Variants in NRXN3 observed in about 807,000 individuals in gnomAD.
NRXN3 encodes the protein neurexin 3, also known as neurexin III.
NRXN3 carries 32 observed loss-of-function variants against 137.6 expected under a neutral mutation model. That is an observed-to-expected ratio of 0.23 (90% confidence interval 0.18 to 0.31). NRXN3 has a LOEUF of 0.31. Ranked by LOEUF, NRXN3 falls within the 10% of genes least tolerant of loss-of-function variation. NRXN3 has a pLI of 1.00. For missense variants in NRXN3, 1,574 were observed against 2,062.5 expected (o/e 0.76, Z 4.59); for synonymous variants, 798 against 784.5 (o/e 1.02, Z -0.29).
intron 10 of NRXN3, among the ~76,000 whole-genome samples, chr14:78,933,601 C>T (rs154330): frequency 0.24 from 36,019 of 151,918 alleles, 6,342 homozygotes; most frequent in African/African-American, 0.48. Context: ...CATGATGCTT[C>T]GAAGTGTCAA....
chr14:79,470,101 C>T (rs1474704021), intron 16 of NRXN3, among the ~76,000 whole-genome samples: 2 of 152,018 alleles, frequency 1.3e-5, no homozygotes, highest in South Asian at 2.1e-4. Flanking sequence ...AGAGAAAGAG[C>T]TTTGGGGCCA....
rs141270878 is a variant in NRXN3, at chr14:79,208,415, G to A, written c.3262+220274G>A. 1.8e-3 allele frequency among the ~76,000 whole-genome samples: 274 copies of A among 152,152 alleles called. 2 individuals are homozygous for A. Among genetic ancestry groups the A allele is most frequent in the African/African-American group, 5.2e-3 (217 of 41,530 alleles). ...TGTACCCCAATTTTTTATTTTCTTG[G>A]CCAAAAGGGGACAAATAACATCTCA... On this transcript the variant is annotated intron_variant, in intron 15 of 20. Transcript: ENST00000335750.
At chr14:78,711,031 T>G (rs1389391342) in intron 7 of NRXN3, among the ~76,000 whole-genome samples, 1 of 152,216 alleles carries the variant, frequency 6.6e-6, no homozygotes, top group Non-Finnish European at 1.5e-5. Context: ...TTCTTCTTCT[T>G]TTCTTTCTCC....
intron 4 of NRXN3, among the ~76,000 whole-genome samples, chr14:78,521,412 C>T (rs990200516): frequency 8.5e-5 from 13 of 152,210 alleles, no homozygotes; most frequent in African/African-American, 2.4e-4. Context: ...CAAAGGTAAA[C>T]GATGAAGAAA....
Position 79,732,622 on chromosome 14 carries a change from TG to T in NRXN3, c.4014+34686del, listed in dbSNP as rs1275629819. Reference sequence around the variant, plus strand: ...CCTAGATTAAAAACTGGGTCTTTTGTGAGGTTTCATTCATTATGGCCCCATA... The same window carrying T: ...CCTAGATTAAAAACTGGGTCTTTTGTAGGTTTCATTCATTATGGCCCCATA... On this transcript the variant is annotated intron_variant, in intron 19 of 20. Coordinates refer to ENST00000335750, the MANE Select transcript of NRXN3 (RefSeq NM_001330195.2). 5.2e-4 allele frequency among the ~76,000 whole-genome samples: 79 copies of T among 152,322 alleles called. No homozygotes were observed. In the Middle Eastern group the frequency reaches 0.014, roughly 26 times the overall value.
intron 19 of NRXN3, among the ~76,000 whole-genome samples, chr14:79,703,393 G>GT (rs111938965): frequency 4.8e-4 from 73 of 152,274 alleles, no homozygotes; most frequent in African/African-American, 1.5e-3. Context: ...TCTGGGTAGA[G>GT]TCTCAGTGTG....
chr14:79,349,281 T>C (rs571045344), intron 15 of NRXN3, among the ~76,000 whole-genome samples: 5 of 151,872 alleles, frequency 3.3e-5, no homozygotes, highest in Admixed American at 6.5e-5. Context: ...CTTACTTTTG[T>C]AAGGTCTCCG....
intron 15 of NRXN3, among the ~76,000 whole-genome samples, chr14:79,300,507 C>T (rs919020202): frequency 2.6e-5 from 4 of 151,998 alleles, no homozygotes; most frequent in African/African-American, 9.7e-5. Flanking sequence ...TGGTCTCACA[C>T]ACATATCTGC....
chr14:78,953,610 G>A (rs907472192), intron 10 of NRXN3, among the ~76,000 whole-genome samples: 2 of 152,136 alleles, frequency 1.3e-5, no homozygotes, highest in Non-Finnish European at 2.9e-5. Context: ...ACAAAGTTCT[G>A]CATCCCAGAA....
intron 15 of NRXN3, among the ~76,000 whole-genome samples, chr14:79,045,949 G>A (rs1265058092): frequency 1.3e-5 from 2 of 152,160 alleles, no homozygotes; most frequent in Admixed American, 6.5e-5. Flanking sequence ...TCAAATAAAT[G>A]TTCCTGGTGT....
chr14:78,272,905 C>T (rs1266488907), intron 2 of NRXN3, among the ~76,000 whole-genome samples: 2 of 152,104 alleles, frequency 1.3e-5, no homozygotes, highest in Non-Finnish European at 2.9e-5. Flanking sequence ...TCCCTTAAAT[C>T]AATCTTATCT....
intron 10 of NRXN3, among the ~76,000 whole-genome samples, chr14:78,874,662 C>T (rs749261410): frequency 1.8e-4 from 27 of 152,154 alleles, no homozygotes; most frequent in Non-Finnish European, 2.5e-4. Flanking sequence ...ACAACATCCT[C>T]GTTTTCATTT....
chr14:78,880,472 A>G (rs1281875142), intron 10 of NRXN3, among the ~76,000 whole-genome samples: 1 of 152,048 alleles, frequency 6.6e-6, no homozygotes, highest in Non-Finnish European at 1.5e-5. Flanking sequence ...AGTGAAATGC[A>G]AGCACTGCAA....
At chr14:79,392,365 A>G (rs567326956) in intron 15 of NRXN3, among the ~76,000 whole-genome samples, 2 of 152,238 alleles carry the variant, frequency 1.3e-5, no homozygotes, top group East Asian at 1.9e-4. Flanking sequence ...TGGTGTATAT[A>G]CCACATTTTC....
chr14:79,453,987 A>G (rs942283672), intron 15 of NRXN3, among the ~76,000 whole-genome samples: 2 of 152,176 alleles, frequency 1.3e-5, no homozygotes, highest in African/African-American at 4.8e-5. Flanking sequence ...TACTGCAGAC[A>G]AAGTTATTTT....
intron 19 of NRXN3, among the ~76,000 whole-genome samples, chr14:79,720,160 A>G (rs573339954): frequency 6.6e-6 from 1 of 152,076 alleles, no homozygotes; most frequent in Admixed American, 6.5e-5. Flanking sequence ...GTGGAAGGCA[A>G]AGGGGAAGAA....
intron 4 of NRXN3, among the ~76,000 whole-genome samples, chr14:78,311,237 G>A (rs1019898139): frequency 6.6e-6 from 1 of 152,156 alleles, no homozygotes; most frequent in African/African-American, 2.4e-5. Context: ...GGTATATCCA[G>A]TGCCTGTAAC....
chr14:79,735,053 T>C (rs557071802), intron 19 of NRXN3, among the ~76,000 whole-genome samples: 1 of 152,176 alleles, frequency 6.6e-6, no homozygotes, highest in South Asian at 2.1e-4. Context: ...GGGAATGTAA[T>C]GAATTCACTC....
At chr14:79,450,977 G>C (rs763513722) in intron 15 of NRXN3, among the ~76,000 whole-genome samples, 2 of 152,146 alleles carry the variant, frequency 1.3e-5, no homozygotes, top group Non-Finnish European at 2.9e-5. Flanking sequence ...ACAGCAGACT[G>C]TAATTAGGAG....
Sources: allele counts gnomAD v4.1 joint callset (sites outside exome capture counted in the v4.1 genomes callset), GRCh38; gene constraint gnomAD v4.1.1; transcripts MANE v1.5; gene names NCBI Gene and HGNC (gene_info 2026-07-23, HGNC 2026-07-21).